The following TTC27 variants were observed in gnomAD, a reference collection of about 807,000 sequenced individuals.
TTC27 encodes the protein tetratricopeptide repeat protein 27.
TTC27 carries 79 observed loss-of-function variants against 115.9 expected under a neutral mutation model. The ratio of observed to expected loss-of-function variants is 0.68; its 90% CI spans 0.57 to 0.82. TTC27 has a LOEUF of 0.82. TTC27 is among the 40% of genes least tolerant of loss of function. TTC27 has a pLI of 0.00. For missense variants in TTC27, 1,054 were observed against 993.1 expected (o/e 1.06, Z -0.82); for synonymous variants, 401 against 356.0 (o/e 1.13, Z -1.42).
At chr2:32,763,674 A>G (rs1014416472) in intron 13 of TTC27, among the ~76,000 whole-genome samples, 2 of 152,254 alleles carry the variant, frequency 1.3e-5, no homozygotes, top group African/African-American at 4.8e-5. Context: ...TTGGTCTAAT[A>G]ACAGGGATGA....
chr2:32,807,804 A>T (rs1198298004), intron 16 of TTC27, among the ~76,000 whole-genome samples: 1 of 151,736 alleles, frequency 6.6e-6, no homozygotes, highest in South Asian at 2.1e-4. Flanking sequence ...TGAATCTTCC[A>T]TTCCTGATCC....
chr2:32,787,100 A>G lies in TTC27; in HGVS notation c.1949A>G (p.Lys650Arg), dbSNP rs1218802505. The change falls in exon 16 of 20, where the codon AAA becomes AGA. Residue 650 changes from lysine (K) to arginine (R), a missense_variant. Physicochemically the swap from Lys to Arg is conservative, Grantham distance 26. Transcript: ENST00000317907. ...TDVGEFSEAI[K>R]AYHRLLDLRD... Reference sequence around the variant, plus strand: ...GTTGGGGAATTTTCAGAAGCCATTAAAGCTTATCACCGGCTCTTGGACTTA... The same window carrying G: ...GTTGGGGAATTTTCAGAAGCCATTAGAGCTTATCACCGGCTCTTGGACTTA... 2.5e-6 allele frequency: 4 copies of G among 1,614,054 alleles called. No homozygotes were observed. Among genetic ancestry groups the G allele is most frequent in the Non-Finnish European group, 2.5e-6 (3 of 1,179,982 alleles).
intron 16 of TTC27, among the ~76,000 whole-genome samples, chr2:32,806,125 C>T (rs1373328860): frequency 6.6e-6 from 1 of 152,174 alleles, no homozygotes; most frequent in Admixed American, 6.5e-5. Flanking sequence ...ACTCTTGAGC[C>T]ACTTATTACA....
At chr2:32,666,589 A>C (rs1413132318) in intron 6 of TTC27, 46 bp from the exon 7 acceptor site, 2 of 1,601,916 alleles carry the variant, frequency 1.2e-6, no homozygotes, top group Non-Finnish European at 1.7e-6. Context: ...ACTGTACAGT[A>C]GATCTCATGG....
At chr2:32,785,099 G>T (rs989424492) in intron 15 of TTC27, among the ~76,000 whole-genome samples, 2 of 152,130 alleles carry the variant, frequency 1.3e-5, no homozygotes, top group African/African-American at 4.8e-5. Flanking sequence ...TGAGTGGTAA[G>T]TTTAGCTGAT....
chr2:32,738,522 G>T (rs1465654149), intron 12 of TTC27, among the ~76,000 whole-genome samples: 3 of 152,138 alleles, frequency 2.0e-5, no homozygotes, highest in Non-Finnish European at 4.4e-5. Context: ...TGTCCTGTCA[G>T]GTTGTCCATA....
chr2:32,757,824 A>T (rs1173815288), intron 12 of TTC27, among the ~76,000 whole-genome samples: 2 of 151,994 alleles, frequency 1.3e-5, no homozygotes, highest in African/African-American at 4.8e-5. Context: ...CTCCCACCCA[A>T]GAAGTTGGGA....
At chr2:32,679,174 A>G (rs760819853) in intron 9 of TTC27, among the ~76,000 whole-genome samples, 19 of 152,208 alleles carry the variant, frequency 1.2e-4, no homozygotes, top group South Asian at 2.1e-4. Flanking sequence ...CCAGGAGACC[A>G]TGGGTTAAAA....
chr2:32,630,206 CTT>C (rs1247267694), intron 1 of TTC27, among the ~76,000 whole-genome samples: 1 of 152,106 alleles, frequency 6.6e-6, no homozygotes, highest in Admixed American at 6.5e-5. Context: ...ACTAAGGAAA[CTT>C]TTGTATTGTC....
Position 32,663,513 on chromosome 2 carries a change from C to T in TTC27, c.641-790C>T, listed in dbSNP as rs571280766. On this transcript the variant is annotated intron_variant, in intron 5 of 19. Coordinates refer to ENST00000317907, the MANE Select transcript of TTC27 (RefSeq NM_017735.5). ...GGGCTGCACCCACTGTCTAACCAGT[C>T]CCAGTGAGATGAGCCTGGTACCTCA... is the stretch of plus-strand genomic sequence containing the variant. 5.2e-3 allele frequency among the ~76,000 whole-genome samples: 786 copies of T among 150,982 alleles called. 6 individuals are homozygous for T. Among genetic ancestry groups the T allele is most frequent in the Non-Finnish European group, 9.0e-3 (602 of 67,248 alleles).
chr2:32,639,497 T>G (rs977675962), intron 3 of TTC27, among the ~76,000 whole-genome samples: 3 of 152,188 alleles, frequency 2.0e-5, no homozygotes, highest in Non-Finnish European at 4.4e-5. Flanking sequence ...TGATAGAAAT[T>G]ATGGAGTAGA....
chr2:32,738,305 C>T (rs1668513061), intron 12 of TTC27, among the ~76,000 whole-genome samples: 1 of 152,168 alleles, frequency 6.6e-6, no homozygotes, highest in Non-Finnish European at 1.5e-5. Context: ...CATCTGGAAG[C>T]ACTTAATCTA....
At position 32,736,706 on chromosome 2, in the gene TTC27, A is replaced by C. The variant is rs747894550; in HGVS notation, c.1342A>C (p.Ser448Arg). ...TTGATTTTTCTAGCGCCAACTTGCA[A>C]GTTTGCTCTTTGAGTTGGGATGTAC... ...PHWAIQRQLA[S>R]LLFELGCTSS... The change falls in exon 12 of 20, where the codon AGT becomes CGT. Residue 448 changes from serine (S) to arginine (R), a missense_variant. Coordinates refer to ENST00000317907, the MANE Select transcript of TTC27 (RefSeq NM_017735.5). 21 of 1,613,706 alleles carry C rather than the reference A, an allele frequency of 1.3e-5. No homozygotes were observed. The highest frequency in any genetic ancestry group is 1.6e-5 in the Non-Finnish European group (19 of 1,179,844).
At chr2:32,679,063 T>G in intron 9 of TTC27, 141 bp downstream of exon 9, 1 of 651,616 alleles carries the variant, frequency 1.5e-6, no homozygotes, top group Non-Finnish European at 2.6e-6. Context: ...CACTGTAGTT[T>G]CTAAGTCACA....
At chr2:32,688,002 T>A (rs1222623017) in intron 9 of TTC27, among the ~76,000 whole-genome samples, 4 of 152,188 alleles carry the variant, frequency 2.6e-5, no homozygotes, top group Non-Finnish European at 5.9e-5. Flanking sequence ...TTTCAAATGC[T>A]TATGGTAAGT....
intron 9 of TTC27, among the ~76,000 whole-genome samples, chr2:32,689,687 G>A (rs1208945936): frequency 6.6e-6 from 1 of 152,070 alleles, no homozygotes; most frequent in East Asian, 1.9e-4. Context: ...ACAGATTATT[G>A]ATATTGAAAA....
chr2:32,645,042 A>G (rs1664804444), intron 4 of TTC27, among the ~76,000 whole-genome samples: 1 of 152,004 alleles, frequency 6.6e-6, no homozygotes. Context: ...GATTTGATGA[A>G]TTAAGATAAA....
intron 13 of TTC27, among the ~76,000 whole-genome samples, chr2:32,771,696 A>G (rs1239828648): frequency 1.3e-5 from 2 of 152,200 alleles, no homozygotes; most frequent in African/African-American, 4.8e-5. Flanking sequence ...AAACTTGGCT[A>G]TGAAGGAGTT....
chr2:32,662,346 C>T (rs1382735049), intron 5 of TTC27, among the ~76,000 whole-genome samples: 3 of 152,116 alleles, frequency 2.0e-5, no homozygotes, highest in African/African-American at 7.2e-5. Context: ...AGGAATGGTA[C>T]CAGCTCCTCT....
Sources: allele counts gnomAD v4.1 joint callset (sites outside exome capture counted in the v4.1 genomes callset), GRCh38; gene constraint gnomAD v4.1.1; transcripts MANE v1.5; gene names NCBI Gene and HGNC (gene_info 2026-07-23, HGNC 2026-07-21).